Variants in EIF2AK2 observed in about 807,000 individuals in gnomAD.
EIF2AK2 encodes the protein interferon-induced, double-stranded RNA-activated protein kinase.
A neutral mutation model predicts 70.5 loss-of-function variants in EIF2AK2; 40 were observed. The observed-to-expected ratio is 0.57, with a 90% CI of 0.44 to 0.74. EIF2AK2 has a LOEUF of 0.74. EIF2AK2 is among the 30% of genes least tolerant of loss of function. EIF2AK2 has a pLI of 0.00. For missense variants in EIF2AK2, 555 were observed against 644.3 expected (o/e 0.86, Z 1.50); for synonymous variants, 198 against 220.9 (o/e 0.90, Z 0.92).
chr2:37,100,005 G>T lies in EIF2AK2; in HGVS notation c.*7268C>A, dbSNP rs564762368. On this transcript the variant is annotated 3_prime_UTR_variant, in exon 17 of 17. Transcript: ENST00000233057. ...GTGAGAAAACAGAGTGAATACTAAC[G>T]GGCATAGGGTTTCTTTTGGGGGTGA... 3 of 152,166 alleles carry T rather than the reference G, an allele frequency of 2.0e-5. No homozygotes were observed. Among genetic ancestry groups the T allele is most frequent in the Non-Finnish European group, 4.4e-5 (3 of 68,054 alleles). The allele number at this position is 152,166 out of a possible 1,614,324, so 9.4% of individuals were successfully genotyped here.
intron 1 of EIF2AK2, chr2:37,149,323 G>C (rs750518214): frequency 1.1e-6 from 1 of 890,654 alleles, no homozygotes; most frequent in East Asian, 2.5e-5. Flanking sequence ...ATCAAACTAT[G>C]GGGCCTTTAA....
At chr2:37,124,813 C>T (rs1350789110) in intron 11 of EIF2AK2, among the ~76,000 whole-genome samples, 3 of 151,634 alleles carry the variant, frequency 2.0e-5, no homozygotes, top group Admixed American at 1.3e-4. Flanking sequence ...CTGCAGCCTC[C>T]ACCTACTGGG....
In EIF2AK2 at chr2:37,148,841, G is replaced by A. The variant is rs1050366162; in HGVS notation, c.-17+16C>T. 15 of 840,614 alleles carry A rather than the reference G, an allele frequency of 1.8e-5. No individual in the cohort carries two copies. In the Admixed American group the frequency reaches 1.9e-4, roughly 11 times the overall value. 52.1% of individuals were successfully genotyped at this position (840,614 alleles called of 1,614,324 possible). On this transcript the variant is annotated intron_variant, in intron 2 of 16. Transcript: ENST00000233057. ...TGCCACTTTTCTGAGTGCAAAATTCGGAAGACCGCTTGTACCTGGTTGGAA... is the reference window on the plus strand; with the variant it reads ...TGCCACTTTTCTGAGTGCAAAATTCAGAAGACCGCTTGTACCTGGTTGGAA...
rs761998681 is a variant in EIF2AK2 at position 37,120,063 on chromosome 2, T to C, written c.1144A>G (p.Arg382Gly). The change falls in exon 13 of 17, where the codon AGA (arginine) becomes GGA (glycine). Residue 382 changes from arginine (R) to glycine (G), a missense_variant. By Grantham distance (125) the Arg-to-Gly change is moderately radical. This residue lies in a region of EIF2AK2 where 299 missense variants were observed against 375.4 expected (regional missense o/e 0.80). Coordinates refer to ENST00000233057, the MANE Select transcript of EIF2AK2 (RefSeq NM_001135651.3). ...AAAACTTTGTCTAGTTTCTCGCCTCTTCTTTTTTCAATCCATTGTTCCAAG... is the reference window on the plus strand; with the variant it reads ...AAAACTTTGTCTAGTTTCTCGCCTCCTCTTTTTTCAATCCATTGTTCCAAG... ...GTLEQWIEKR[R>G]GEKLDKVLAL... 1.9e-6 allele frequency: 3 copies of C among 1,545,664 alleles called. No individual in the cohort carries two copies. The highest frequency in any genetic ancestry group is 2.6e-6 in the Non-Finnish European group (3 of 1,141,898).
intron 2 of EIF2AK2, chr2:37,148,451 G>C (rs1045820384): frequency 2.4e-6 from 1 of 411,498 alleles, no homozygotes; most frequent in African/African-American, 2.1e-5. Context: ...AGGCGGAGGA[G>C]AGCTCAAGCT....
intron 6 of EIF2AK2, 116 bp downstream of exon 6, chr2:37,139,515 G>T: frequency 7.1e-7 from 1 of 1,401,336 alleles, no homozygotes. Flanking sequence ...ACAGAATGGA[G>T]GAATCATTTT....
chr2:37,126,977 A>C (rs1674756671), intron 10 of EIF2AK2, among the ~76,000 whole-genome samples: 3 of 85,342 alleles, frequency 3.5e-5, no homozygotes, highest in Non-Finnish European at 5.0e-5. Context: ...GAAAAAAAAA[A>C]AAAAAAAAAA....
intron 11 of EIF2AK2, 36 bp downstream of exon 11, chr2:37,126,253 T>G (rs201157405): frequency 2.5e-4 from 394 of 1,553,696 alleles, no homozygotes; most frequent in Middle Eastern, 4.0e-4. Flanking sequence ...TCAGCGTACC[T>G]TGCCATTCAA....
At chr2:37,123,597 T>C (rs1674630383) in intron 11 of EIF2AK2, among the ~76,000 whole-genome samples, 1 of 152,158 alleles carries the variant, frequency 6.6e-6, no homozygotes, top group Non-Finnish European at 1.5e-5. Context: ...AAATCATACA[T>C]TATGTTTTGC....
chr2:37,154,130 C>A (rs1049880397), intron 1 of EIF2AK2, among the ~76,000 whole-genome samples: 1 of 152,074 alleles, frequency 6.6e-6, no homozygotes, highest in Non-Finnish European at 1.5e-5. Flanking sequence ...ACTTCAAGAC[C>A]AGCCTGACCA....
intron 11 of EIF2AK2, among the ~76,000 whole-genome samples, chr2:37,125,853 A>C (rs1674711121): frequency 6.6e-6 from 1 of 152,248 alleles, no homozygotes; most frequent in South Asian, 2.1e-4. Context: ...ATTACCATCT[A>C]GCTTTTATCT....
At chr2:37,122,776 G>A in intron 11 of EIF2AK2, 112 bp from the exon 12 acceptor site, 2 of 1,361,892 alleles carry the variant, frequency 1.5e-6, no homozygotes, top group Non-Finnish European at 2.0e-6. Context: ...AACCATTGCT[G>A]TGGTTCTCAC....
At chr2:37,155,163 C>T (rs1332898943) in intron 1 of EIF2AK2, among the ~76,000 whole-genome samples, 2 of 152,136 alleles carry the variant, frequency 1.3e-5, no homozygotes, top group Non-Finnish European at 2.9e-5. Flanking sequence ...GTCCAACCTG[C>T]TCCCTCCTAA....
At chr2:37,141,133 G>T (rs1266455588) in intron 5 of EIF2AK2, among the ~76,000 whole-genome samples, 9 of 152,134 alleles carry the variant, frequency 5.9e-5, no homozygotes. Flanking sequence ...AAATTTGAAG[G>T]ACAAATACCT....
chr2:37,111,861 C>CAAA lies in EIF2AK2; in HGVS notation c.1378-2569_1378-2567dup, dbSNP rs1196685884. 2.2e-4 allele frequency among the ~76,000 whole-genome samples: 7 copies of CAAA among 32,080 alleles called. 1 individual carries two copies. The highest frequency in any genetic ancestry group is 3.2e-4 in the Non-Finnish European group (6 of 19,022). 21.0% of individuals were successfully genotyped at this position (32,080 alleles called of 152,430 possible). ...CTGGGTGAAAAGCAAGACCCTGTCT[C>CAAA]AAAAAAAAAAAAAAAAAATATATAT... On this transcript the variant is annotated intron_variant, in intron 14 of 16. Coordinates refer to ENST00000233057, the MANE Select transcript of EIF2AK2 (RefSeq NM_001135651.3).
chr2:37,129,317 G>T (rs1443014088), intron 10 of EIF2AK2, among the ~76,000 whole-genome samples: 1 of 152,118 alleles, frequency 6.6e-6, no homozygotes, highest in Non-Finnish European at 1.5e-5. Context: ...TGGACACTGG[G>T]AAAAGGCTTG....
chr2:37,113,324 G>A (rs1039283428), intron 14 of EIF2AK2, among the ~76,000 whole-genome samples: 3 of 151,822 alleles, frequency 2.0e-5, no homozygotes, highest in African/African-American at 4.8e-5. Flanking sequence ...GGTGAAACCC[G>A]TCTTTACTAA....
In EIF2AK2 at chr2:37,135,351, G is replaced by A. The variant is rs1393933610; in HGVS notation, c.785+133C>T. 4 of 723,770 alleles carry A rather than the reference G, an allele frequency of 5.5e-6. No individual in the cohort carries two copies. The East Asian group carries it at 7.9e-5, about 14-fold the overall frequency. The allele number at this position is 723,770 out of a possible 1,614,324, so 44.8% of individuals were successfully genotyped here. On this transcript the variant is annotated intron_variant, in intron 10 of 16. Transcript: ENST00000233057. ...TCTTAATGATAAGCCTAAGACTATTGTTCTTACCCTGCGTAGTTAATCTTA... is the reference window on the plus strand; with the variant it reads ...TCTTAATGATAAGCCTAAGACTATTATTCTTACCCTGCGTAGTTAATCTTA...
In EIF2AK2 at chr2:37,136,360, C is replaced by T. The variant is rs541704557; in HGVS notation, c.722+623G>A. ...AACCTATTCCCTCAAGTCATGTCCA[C>T]TCTTCCTTTACAGTCTTTCTCACAC... is the stretch of plus-strand genomic sequence containing the variant. On this transcript the variant is annotated intron_variant, in intron 9 of 16. Coordinates refer to ENST00000233057, the MANE Select transcript of EIF2AK2 (RefSeq NM_001135651.3). Among the ~76,000 whole-genome samples the T allele has an allele frequency of 2.6e-5, 4 of 152,372 alleles. No individual in the cohort carries two copies. The South Asian group carries it at 8.3e-4, about 32-fold the overall frequency.
Sources: gnomAD v4.1 joint callset for allele counts (sites outside exome capture counted in the v4.1 genomes callset) on GRCh38, gnomAD v4.1.1 for gene constraint, gnomAD v4.1.1 regional missense constraint, MANE v1.5 for transcripts, NCBI Gene and HGNC (gene_info 2026-07-23, HGNC 2026-07-21) for gene names.